PRKCE: variants seen among roughly 807,000 people sequenced by gnomAD.
PRKCE encodes the protein protein kinase C epsilon type.
In PRKCE, 16 loss-of-function variants were observed where a neutral mutation model predicts 85.4. The ratio of observed to expected loss-of-function variants is 0.19; its 90% CI spans 0.13 to 0.28. The LOEUF (loss-of-function observed/expected upper bound fraction) is 0.28. Ranked by LOEUF, PRKCE falls within the 10% of genes least tolerant of loss-of-function variation. The pLI is 1.00. For missense variants in PRKCE, 573 were observed against 975.2 expected (o/e 0.59, Z 5.49); for synonymous variants, 388 against 371.5 (o/e 1.04, Z -0.51).
intron 1 of PRKCE, among the ~76,000 whole-genome samples, chr2:45,797,162 CA>C (rs1414018200): frequency 6.6e-6 from 1 of 152,146 alleles, no homozygotes; most frequent in Non-Finnish European, 1.5e-5. Context: ...GGTATAGTAT[CA>C]TTAGCTTGTT....
rs904310170 is a variant in PRKCE, at chr2:45,954,138, C to T, written c.413-22291C>T. Among the ~76,000 whole-genome samples, 7 of 152,170 alleles carry T rather than the reference C, an allele frequency of 4.6e-5. 1 individual carries two copies. The highest frequency in any genetic ancestry group is 1.4e-4 in the African/African-American group (6 of 41,424). On this transcript the variant is annotated intron_variant, in intron 2 of 14. Transcript: ENST00000306156. ...GGTCCTGCTCCCACTTTGAAGGTGG[C>T]CTTAGGTGCGCAGGGACTTTGTGTG... is the stretch of plus-strand genomic sequence containing the variant.
At chr2:46,110,530 A>G (rs1672151977) in intron 11 of PRKCE, among the ~76,000 whole-genome samples, 1 of 152,174 alleles carries the variant, frequency 6.6e-6, no homozygotes, top group African/African-American at 2.4e-5. Context: ...CGTGATCAAC[A>G]GTGATGACAC....
intron 3 of PRKCE, chr2:45,978,767 C>G (rs889029168): frequency 3.7e-6 from 2 of 547,726 alleles, no homozygotes; most frequent in African/African-American, 3.8e-5. Flanking sequence ...CCAAACCTTG[C>G]ACCTCCCCAA....
At chr2:46,087,035 G>T (rs1254344436) in intron 11 of PRKCE, among the ~76,000 whole-genome samples, 2 of 152,088 alleles carry the variant, frequency 1.3e-5, no homozygotes, top group African/African-American at 4.8e-5. Context: ...AATTCTGGGA[G>T]GAGTAAATAT....
chr2:45,854,021 C>A (rs1439283417), intron 2 of PRKCE, among the ~76,000 whole-genome samples: 1 of 152,178 alleles, frequency 6.6e-6, no homozygotes, highest in African/African-American at 2.4e-5. Context: ...TGGATTTGCC[C>A]CCCACACTCC....
At chr2:46,104,344 C>G (rs952652403) in intron 11 of PRKCE, among the ~76,000 whole-genome samples, 1 of 83,540 alleles carries the variant, frequency 1.2e-5, no homozygotes, top group Non-Finnish European at 2.4e-5. Context: ...TCATGATTTT[C>G]TTGATTGGTC....
At chr2:46,002,269 G>C (rs568575852) in intron 7 of PRKCE, among the ~76,000 whole-genome samples, 1 of 152,218 alleles carries the variant, frequency 6.6e-6, no homozygotes, top group African/African-American at 2.4e-5. Flanking sequence ...TAAGTTATGA[G>C]AAAATTAGAA....
At chr2:45,929,015 G>A (rs181326423) in intron 2 of PRKCE, among the ~76,000 whole-genome samples, 177 of 152,072 alleles carry the variant, frequency 1.2e-3, no homozygotes, top group Non-Finnish European at 2.1e-3. Flanking sequence ...GGAATTGTGC[G>A]TTCTTTCTTC....
chr2:45,703,024 C>T (rs609645), intron 1 of PRKCE, among the ~76,000 whole-genome samples: 3 of 147,628 alleles, frequency 2.0e-5, no homozygotes, highest in Admixed American at 1.3e-4. Context: ...CCTTTTTTCC[C>T]CCCCCGTCAG....
At chr2:45,814,007 G>A (rs1558701674) in intron 1 of PRKCE, among the ~76,000 whole-genome samples, 1 of 152,080 alleles carries the variant, frequency 6.6e-6, no homozygotes, top group Non-Finnish European at 1.5e-5. Context: ...ACCTTACCAA[G>A]GTGGGCAGGA....
chr2:45,965,924 C>G (rs970859307), intron 2 of PRKCE, among the ~76,000 whole-genome samples: 3 of 151,908 alleles, frequency 2.0e-5, no homozygotes, highest in African/African-American at 7.3e-5. Context: ...TGTGGGTGTG[C>G]CATGACTTAA....
At chr2:46,115,536 C>A (rs1672684993) in intron 11 of PRKCE, among the ~76,000 whole-genome samples, 2 of 152,188 alleles carry the variant, frequency 1.3e-5, no homozygotes, top group African/African-American at 4.8e-5. Flanking sequence ...TCAGCATTCT[C>A]CAGTGGGGAA....
chr2:45,948,647 AT>A (rs1156785460), intron 2 of PRKCE, among the ~76,000 whole-genome samples: 9 of 151,626 alleles, frequency 5.9e-5, no homozygotes, highest in Admixed American at 1.3e-4. Context: ...TCTTAAAAAA[AT>A]TTTTTTTTCA....
chr2:45,977,889 T>A (rs1311144866), intron 3 of PRKCE, among the ~76,000 whole-genome samples: 1 of 152,148 alleles, frequency 6.6e-6, no homozygotes, highest in Non-Finnish European at 1.5e-5. Context: ...AGAGGTTGCC[T>A]TCATGAACCC....
intron 2 of PRKCE, among the ~76,000 whole-genome samples, chr2:45,917,140 C>G (rs1697856223): frequency 6.6e-6 from 1 of 152,190 alleles, no homozygotes; most frequent in Admixed American, 6.5e-5. Context: ...GCCCAGTGGT[C>G]TGTTTTGACA....
At chr2:46,029,453 G>A (rs1707361337) in intron 10 of PRKCE, among the ~76,000 whole-genome samples, 1 of 152,148 alleles carries the variant, frequency 6.6e-6, no homozygotes, top group East Asian at 1.9e-4. Context: ...GAACAGCAGG[G>A]GGAGCCACAA....
chr2:46,036,046 T>G (rs1707836135), intron 10 of PRKCE, among the ~76,000 whole-genome samples: 1 of 152,196 alleles, frequency 6.6e-6, no homozygotes, highest in South Asian at 2.1e-4. Context: ...TGAATTACAG[T>G]AACATTTAAG....
chr2:45,727,355 G>A (rs1681163095), intron 1 of PRKCE, among the ~76,000 whole-genome samples: 1 of 152,238 alleles, frequency 6.6e-6, no homozygotes, highest in African/African-American at 2.4e-5. Flanking sequence ...ATGGCGGAAT[G>A]TTGTGTATGT....
rs564180153 is a variant in PRKCE at position 46,045,734 on chromosome 2, C to G, written c.1437+35217C>G. 3.3e-5 allele frequency among the ~76,000 whole-genome samples: 5 copies of G among 152,298 alleles called. No homozygotes were observed. In the South Asian group the frequency reaches 1.0e-3, roughly 32 times the overall value. ...TCTTCACTAAAAATACAGAAATTAGCTGGGCATGGTGGCACATGCCTGTAA... is the reference window on the plus strand; with the variant it reads ...TCTTCACTAAAAATACAGAAATTAGGTGGGCATGGTGGCACATGCCTGTAA... On this transcript the variant is annotated intron_variant, in intron 10 of 14. Transcript: ENST00000306156.
Sources: allele counts gnomAD v4.1 joint callset (sites outside exome capture counted in the v4.1 genomes callset), GRCh38; gene constraint gnomAD v4.1.1; transcripts MANE v1.5; gene names NCBI Gene and HGNC (gene_info 2026-07-23, HGNC 2026-07-21).